The following OLFM2 variants were observed in gnomAD, a reference collection of about 807,000 sequenced individuals.
OLFM2 encodes olfactomedin 2.
OLFM2 carries 20 observed loss-of-function variants against 43.9 expected under a neutral mutation model. That is an observed-to-expected ratio of 0.46 (90% CI 0.32 to 0.66). The LOEUF (loss-of-function observed/expected upper bound fraction) is 0.66, where lower values mean the gene tolerates loss of function less well. Ranked by LOEUF, OLFM2 falls within the 30% of genes least tolerant of loss-of-function variation. The pLI is 0.04. For synonymous variants in OLFM2, 268 were observed against 278.6 expected (o/e 0.96, Z 0.38); for missense variants, 416 against 643.6 (o/e 0.65, Z 3.83).
At chr19:9,934,640 C>T (rs2086505133) in intron 1 of OLFM2, among the ~76,000 whole-genome samples, 1 of 152,136 alleles carries the variant, frequency 6.6e-6, no homozygotes, top group African/African-American at 2.4e-5. Flanking sequence ...TTTGGTCTCT[C>T]GTCTCCCAGG....
At chr19:9,869,518 TG>T (rs374291969) in intron 1 of OLFM2, among the ~76,000 whole-genome samples, 6 of 152,190 alleles carry the variant, frequency 3.9e-5, no homozygotes, top group African/African-American at 1.4e-4. Context: ...CCTACTTCTC[TG>T]GGTTGCTAGG....
At chr19:9,902,742 G>A (rs2046751679) in intron 1 of OLFM2, among the ~76,000 whole-genome samples, 1 of 151,796 alleles carries the variant, frequency 6.6e-6, no homozygotes, top group South Asian at 2.1e-4. Context: ...AGGTCTCACT[G>A]TGTCACCTAG....
In OLFM2 at chr19:9,854,025, T is replaced by C. The variant is rs1353164637; in HGVS notation, c.*161A>G. 10 of 628,452 alleles carry C rather than the reference T, an allele frequency of 1.6e-5. No individual in the cohort carries two copies. The highest frequency in any genetic ancestry group is 2.9e-5 in the Admixed American group (1 of 34,002). The allele number at this position is 628,452 out of a possible 1,614,324, so 38.9% of individuals were successfully genotyped here. A position where few individuals can be genotyped will look rare whatever the true frequency, so the allele number is the denominator to read the frequency against. ...AGGAGAAGAGGGGAAATTGAAAAAA[T>C]AGACAGAAATACATAGGCAGAGAAC... On this transcript the variant is annotated 3_prime_UTR_variant, in exon 6 of 6. Coordinates refer to ENST00000264833, the MANE Select transcript of OLFM2 (RefSeq NM_058164.4). The surrounding 1 kb of genome is among the most constrained non-coding windows in gnomAD (Gnocchi z 9.5).
intron 1 of OLFM2, among the ~76,000 whole-genome samples, chr19:9,899,244 A>G (rs898010543): frequency 2.0e-5 from 3 of 151,602 alleles, no homozygotes; most frequent in Non-Finnish European, 2.9e-5. Flanking sequence ...CAGCCTGGGC[A>G]ACAGAATGAG....
intron 1 of OLFM2, among the ~76,000 whole-genome samples, chr19:9,895,863 T>G (rs74807970): frequency 6.6e-6 from 1 of 152,158 alleles, no homozygotes; most frequent in East Asian, 1.9e-4. Context: ...CTCAAACTCC[T>G]GACCTCAAGT....
intron 1 of OLFM2, among the ~76,000 whole-genome samples, chr19:9,906,666 A>G (rs2046788136): frequency 6.6e-6 from 1 of 152,148 alleles, no homozygotes; most frequent in Non-Finnish European, 1.5e-5. Flanking sequence ...AGGAAGAGAG[A>G]GACGCAGGCA....
intron 2 of OLFM2, among the ~76,000 whole-genome samples, chr19:9,859,621 C>A (rs145765403): frequency 1.2e-4 from 18 of 152,296 alleles, no homozygotes; most frequent in Middle Eastern, 3.4e-3. Flanking sequence ...TGACCATGAT[C>A]AGAGGTAGAA....
At chr19:9,877,832 T>A (rs199799913) in intron 1 of OLFM2, among the ~76,000 whole-genome samples, 114 of 89,278 alleles carry the variant, frequency 1.3e-3, no homozygotes, top group African/African-American at 4.2e-3. Context: ...GAAAAATAAA[T>A]TTTTTTTTTT....
intron 1 of OLFM2, among the ~76,000 whole-genome samples, chr19:9,899,789 G>T (rs1477004862): frequency 6.6e-6 from 1 of 151,892 alleles, no homozygotes; most frequent in Non-Finnish European, 1.5e-5. Context: ...CTGGGACCAA[G>T]CAATCCTCCC....
At chr19:9,864,930 G>A (rs1055696157) in intron 1 of OLFM2, among the ~76,000 whole-genome samples, 13 of 150,412 alleles carry the variant, frequency 8.6e-5, no homozygotes, top group African/African-American at 2.7e-4. Flanking sequence ...TGCGCCTGGC[G>A]TACTCATTAA....
intron 1 of OLFM2, chr19:9,913,781 T>C: frequency 2.1e-6 from 1 of 469,408 alleles, no homozygotes; most frequent in Non-Finnish European, 2.8e-6. Context: ...GAGGGGGGGC[T>C]CGGGGACGCG....
rs1480516411 is a variant in OLFM2 at position 9,896,085 on chromosome 19, ATTTT to A, written c.64-35295_64-35292del. Among the ~76,000 whole-genome samples, 3 of 119,478 alleles carry A rather than the reference ATTTT, an allele frequency of 2.5e-5. No homozygotes were observed. The East Asian group carries it at 7.3e-4, about 29-fold the overall frequency. The allele number at this position is 119,478 out of a possible 152,430, so 78.4% of individuals were successfully genotyped here. ...CTCGTTCCCAGGCCTTCTTTACTTT[ATTTT>A]AATTTTTTTTTTTTTTTTTTTTTTT... On this transcript the variant is annotated intron_variant, in intron 1 of 5. Transcript: ENST00000264833.
intron 1 of OLFM2, among the ~76,000 whole-genome samples, chr19:9,870,107 C>T (rs2046431363): frequency 6.6e-6 from 1 of 151,920 alleles, no homozygotes; most frequent in African/African-American, 2.4e-5. Context: ...ACTATGTTGC[C>T]CAGGCTGGTG....
At chr19:9,900,708 T>C (rs1001362877) in intron 1 of OLFM2, among the ~76,000 whole-genome samples, 1 of 151,094 alleles carries the variant, frequency 6.6e-6, no homozygotes, top group African/African-American at 2.4e-5. Flanking sequence ...TCGGACAACA[T>C]TGTAAAACCC....
At position 9,872,123 on chromosome 19, in the gene OLFM2, G is replaced by A. The variant is rs148288979; in HGVS notation, c.64-11329C>T. 1.8e-4 allele frequency among the ~76,000 whole-genome samples: 28 copies of A among 152,286 alleles called. No individual in the cohort carries two copies. In the East Asian group the frequency reaches 4.8e-3, roughly 26 times the overall value. On this transcript the variant is annotated intron_variant, in intron 1 of 5. Transcript: ENST00000264833. ...TGTCTGAGCCGTGACAGGGGGCCACGTCCCTTTGGAAAGCTTGAGATAATA... is the reference window on the plus strand; with the variant it reads ...TGTCTGAGCCGTGACAGGGGGCCACATCCCTTTGGAAAGCTTGAGATAATA...
chr19:9,855,537 CT>C (rs1007301222), intron 5 of OLFM2, among the ~76,000 whole-genome samples: 13 of 150,848 alleles, frequency 8.6e-5, no homozygotes, highest in Non-Finnish European at 1.3e-4. Context: ...CACGCCTGGC[CT>C]TTTTTTTTCT....
chr19:9,864,681 G>T (rs1484699263), intron 1 of OLFM2, among the ~76,000 whole-genome samples: 1 of 151,494 alleles, frequency 6.6e-6, no homozygotes, highest in Non-Finnish European at 1.5e-5. Flanking sequence ...GAGTGCAGTG[G>T]TGCAATCCTA....
chr19:9,922,762 T>G (rs117892690), intron 1 of OLFM2, among the ~76,000 whole-genome samples: 4 of 151,066 alleles, frequency 2.6e-5, no homozygotes, highest in Admixed American at 1.3e-4. Context: ...TACAAAAAAA[T>G]TCGCCAGGAG....
chr19:9,864,045 T>G (rs923385397), intron 1 of OLFM2, among the ~76,000 whole-genome samples: 5 of 152,226 alleles, frequency 3.3e-5, no homozygotes, highest in African/African-American at 1.2e-4. Flanking sequence ...TGCCCAGGAT[T>G]GGCCACAGCC....
Sources: allele counts gnomAD v4.1 joint callset (sites outside exome capture counted in the v4.1 genomes callset), GRCh38; gene constraint gnomAD v4.1.1; non-coding constraint Gnocchi (gnomAD v3.1); transcripts MANE v1.5; gene names NCBI Gene and HGNC (gene_info 2026-07-23, HGNC 2026-07-21).